SETBP1: variants seen among roughly 807,000 people sequenced by gnomAD.
SETBP1 encodes the protein SET binding protein 1.
In SETBP1, 9 loss-of-function variants were observed where a neutral mutation model predicts 101.0. The observed-to-expected ratio is 0.09, with a 90% CI of 0.05 to 0.16. The LOEUF (loss-of-function observed/expected upper bound fraction) is 0.16. SETBP1 is among the 10% of genes least tolerant of loss of function. SETBP1 has a pLI of 1.00. For synonymous variants in SETBP1, 818 were observed against 788.5 expected, an observed-to-expected ratio of 1.04 and a Z score of -0.63; for missense variants, 1,858 against 2,033.8, an observed-to-expected ratio of 0.91 and a Z score of 1.66.
intron 2 of SETBP1, among the ~76,000 whole-genome samples, chr18:44,837,508 G>A (rs1199872734): frequency 2.6e-5 from 4 of 152,126 alleles, no homozygotes; most frequent in African/African-American, 7.2e-5. Flanking sequence ...TTCTAGTCCC[G>A]CAGAAACTAA....
chr18:44,991,127 C>T (rs1176663743), intron 4 of SETBP1, among the ~76,000 whole-genome samples: 1 of 150,614 alleles, frequency 6.6e-6, no homozygotes, highest in Non-Finnish European at 1.5e-5. Flanking sequence ...CTTGTAGTCC[C>T]AGCTACTCAG....
At chr18:44,915,774 A>T (rs1170581402) in intron 3 of SETBP1, among the ~76,000 whole-genome samples, 1 of 152,204 alleles carries the variant, frequency 6.6e-6, no homozygotes, top group African/African-American at 2.4e-5. Context: ...AAAGTATTCC[A>T]CTTCTCTAAT....
intron 2 of SETBP1, among the ~76,000 whole-genome samples, chr18:44,846,633 G>A (rs1599214754): frequency 2.0e-5 from 3 of 152,238 alleles, no homozygotes; most frequent in South Asian, 4.1e-4. Context: ...AAATAGGGAA[G>A]TGCCCTGCAC....
intron 1 of SETBP1, among the ~76,000 whole-genome samples, chr18:44,695,367 T>C (rs2068997995): frequency 6.6e-6 from 1 of 152,224 alleles, no homozygotes. Context: ...AGCTCCACAC[T>C]ACACTCATTT....
chr18:45,045,789 A>G (rs1451064109), intron 5 of SETBP1, among the ~76,000 whole-genome samples: 3 of 152,074 alleles, frequency 2.0e-5, no homozygotes, highest in African/African-American at 7.3e-5. Context: ...AATCCTTGGG[A>G]AAAGTTTAGC....
At position 45,063,615 on chromosome 18, in the gene SETBP1, CAGCAGCCCCTTCCCCAGGAAG is replaced by C; in HGVS notation, c.4711_4731del (p.Gln1571_Glu1577del). 6.2e-7 allele frequency: 1 copy of C among 1,601,252 alleles called. No individual in the cohort carries two copies. The highest frequency in any genetic ancestry group is 8.5e-7 in the Non-Finnish European group (1 of 1,174,390). On this transcript the variant is annotated inframe_deletion, in exon 6 of 6. Coordinates refer to ENST00000649279, the MANE Select transcript of SETBP1 (RefSeq NM_015559.3). Reference sequence around the variant, plus strand: ...TCAGCCCCCACAGCAGTCGCCCCCGCAGCAGCCCCTTCCCCAGGAAGAGGAGGTGAAAGCCAAAAGGCAGAG... The same window carrying C: ...TCAGCCCCCACAGCAGTCGCCCCCGCAGGAGGTGAAAGCCAAAAGGCAGAG...
At chr18:44,747,966 G>A (rs1329660593) in intron 2 of SETBP1, among the ~76,000 whole-genome samples, 1 of 152,186 alleles carries the variant, frequency 6.6e-6, no homozygotes, top group Non-Finnish European at 1.5e-5. Context: ...CATAGGTCAG[G>A]TTGTATTTGT....
intron 4 of SETBP1, among the ~76,000 whole-genome samples, chr18:44,954,299 A>C (rs2071433324): frequency 1.4e-5 from 2 of 144,058 alleles, no homozygotes; most frequent in Non-Finnish European, 3.0e-5. Context: ...GGAAAATAGT[A>C]GAAACTTCTT....
intron 3 of SETBP1, among the ~76,000 whole-genome samples, chr18:44,929,896 C>G (rs1428483000): frequency 6.6e-6 from 1 of 152,222 alleles, no homozygotes; most frequent in Admixed American, 6.5e-5. Context: ...GACAATTTGA[C>G]TTTCTCTCTT....
At chr18:44,693,301 T>C (rs754387605) in intron 1 of SETBP1, among the ~76,000 whole-genome samples, 6 of 152,180 alleles carry the variant, frequency 3.9e-5, no homozygotes, top group Non-Finnish European at 7.4e-5. Context: ...GGGGTGACCA[T>C]GGTGAGCCAA....
intron 2 of SETBP1, among the ~76,000 whole-genome samples, chr18:44,766,703 T>C (rs372181721): frequency 1.3e-5 from 2 of 152,118 alleles, no homozygotes; most frequent in African/African-American, 4.8e-5. Context: ...CCATGGGTGG[T>C]AGTGGGTGCC....
chr18:44,687,970 A>G (rs531129394), intron 1 of SETBP1, among the ~76,000 whole-genome samples: 6 of 152,316 alleles, frequency 3.9e-5, no homozygotes, highest in Admixed American at 6.5e-5. Flanking sequence ...GGTGACCCAC[A>G]GTCTGCAAAA....
intron 2 of SETBP1, among the ~76,000 whole-genome samples, chr18:44,780,238 G>A (rs764607610): frequency 6.6e-6 from 1 of 152,098 alleles, no homozygotes; most frequent in Non-Finnish European, 1.5e-5. Flanking sequence ...CTCTTCCCCT[G>A]CCTTTTCCTA....
chr18:44,682,904 G>A (rs2852772), intron 1 of SETBP1, among the ~76,000 whole-genome samples: 26,041 of 151,986 alleles, frequency 0.17, 2,181 homozygotes, highest in East Asian at 0.2. Flanking sequence ...GCTGAGCTGG[G>A]GGAGGAGGTG....
At chr18:44,758,035 G>GGGT (rs1424076489) in intron 2 of SETBP1, among the ~76,000 whole-genome samples, 4 of 152,144 alleles carry the variant, frequency 2.6e-5, no homozygotes, top group Admixed American at 2.6e-4. Flanking sequence ...GGTTGAGGCG[G>GGGT]GGTGGAGGAC....
intron 2 of SETBP1, among the ~76,000 whole-genome samples, chr18:44,765,339 C>T (rs2070744314): frequency 6.6e-6 from 1 of 151,694 alleles, no homozygotes; most frequent in Non-Finnish European, 1.5e-5. Flanking sequence ...GTTTCTCTCT[C>T]TTTGGAACAA....
rs534184222 is a variant in SETBP1 at position 44,950,538 on chromosome 18, G to A, written c.1198G>A (p.Val400Ile). The change falls in exon 4 of 6, where the codon GTC becomes ATC. Residue 400 changes from valine to isoleucine, a missense_variant. Physicochemically the swap from Val to Ile is conservative, Grantham distance 29. Coordinates refer to ENST00000649279, the MANE Select transcript of SETBP1 (RefSeq NM_015559.3). ...ASNPENDSSH[V>I]RITIPIKAPS... ...TAATCCTGAAAATGACTCAAGTCAT[G>A]TCCGGATTACTATCCCCATCAAGGC... 66 of 1,613,942 alleles carry A rather than the reference G, an allele frequency of 4.1e-5. No individual in the cohort carries two copies. Among genetic ancestry groups the A allele is most frequent in the Non-Finnish European group, 5.4e-5 (64 of 1,180,038 alleles).
At chr18:44,810,240 C>T (rs1248027641) in intron 2 of SETBP1, among the ~76,000 whole-genome samples, 2 of 152,174 alleles carry the variant, frequency 1.3e-5, no homozygotes, top group Admixed American at 1.3e-4. Context: ...ATTTGAGAAT[C>T]GATAGTACTG....
At chr18:44,737,893 C>T (rs1203502367) in intron 2 of SETBP1, among the ~76,000 whole-genome samples, 1 of 152,200 alleles carries the variant, frequency 6.6e-6, no homozygotes, top group Non-Finnish European at 1.5e-5. Flanking sequence ...CACAGCATTA[C>T]GTTGTTTACT....
Sources: allele counts gnomAD v4.1 joint callset (sites outside exome capture counted in the v4.1 genomes callset), GRCh38; gene constraint gnomAD v4.1.1; transcripts MANE v1.5; gene names NCBI Gene and HGNC (gene_info 2026-07-23, HGNC 2026-07-21).